The following DNAI4 variants were observed in gnomAD, a reference collection of about 807,000 sequenced individuals.
DNAI4 encodes the protein dynein axonemal intermediate chain 4.
A neutral mutation model predicts 105.8 loss-of-function variants in DNAI4; 85 were observed. The observed-to-expected ratio is 0.80, with a 90% CI of 0.67 to 0.96. The LOEUF is 0.96. Among genes scored for constraint, DNAI4 ranks in the 40% least tolerant of loss-of-function variants. The pLI is 0.00. For missense variants in DNAI4, 1,014 were observed against 1,005.6 expected, an observed-to-expected ratio of 1.01 and a Z score of -0.11; for synonymous variants, 352 against 331.5, an observed-to-expected ratio of 1.06 and a Z score of -0.67.
In DNAI4 at chr1:66,893,323, T is replaced by C; in HGVS notation, c.436A>G (p.Thr146Ala). Residue 146 changes from threonine (T) to alanine (A), a missense_variant, in exon 3 of 17, where the codon ACA (threonine) becomes GCA (alanine). Coordinates refer to ENST00000371026, the MANE Select transcript of DNAI4 (RefSeq NM_024763.5). ...TGTAKPSKLL[T>A]SQEGSLGSEF... is the part of the protein sequence containing the mutation. ...GATCCAAGTGATCCTTCTTGTGATG[T>C]CAAGAGTTTACTTGGTTTTGCTGTA... 6.2e-7 allele frequency: 1 copy of C among 1,610,694 alleles called. No individual in the cohort carries two copies. Among genetic ancestry groups the C allele is most frequent in the Non-Finnish European group, 8.5e-7 (1 of 1,178,124 alleles).
chr1:66,854,503 A>G (rs1019681211), intron 7 of DNAI4, among the ~76,000 whole-genome samples: 2 of 152,332 alleles, frequency 1.3e-5, no homozygotes, highest in East Asian at 3.9e-4. Flanking sequence ...GCTGATTTTA[A>G]AAGGTTGAAG....
At chr1:66,828,555 TTGGCCACTTGTG>T (rs779880812) in intron 13 of DNAI4, 1 of 152,204 alleles carries the variant, frequency 6.6e-6, no homozygotes, top group Non-Finnish European at 1.5e-5. Context: ...TTTACGTTCC[TTGGCCACTTGTG>T]TTTCCTCTTA....
Position 66,817,584 on chromosome 1 carries a change from GA to G in DNAI4, c.2497-3405del, listed in dbSNP as rs397817167. Among the ~76,000 whole-genome samples, 579 of 138,970 alleles carry G rather than the reference GA, an allele frequency of 4.2e-3. 4 individuals carry two copies. Among genetic ancestry groups the G allele is most frequent in the Middle Eastern group, 0.029 (8 of 278 alleles). The allele number at this position is 138,970 out of a possible 152,430, so 91.2% of individuals were successfully genotyped here. On this transcript the variant is annotated intron_variant, in intron 16 of 16. Transcript: ENST00000371026. ...TGAGACCTTTTCTAAAAGAAAAAAA[GA>G]AAAAAAAAAACGGATAGAATCTCAT...
At chr1:66,910,199 C>T (rs1038736746) in intron 1 of DNAI4, among the ~76,000 whole-genome samples, 8 of 151,626 alleles carry the variant, frequency 5.3e-5, no homozygotes, top group African/African-American at 1.2e-4. Context: ...GGCAACAGAG[C>T]GAGACCCTGT....
intron 13 of DNAI4, chr1:66,828,646 T>G (rs1645804438): frequency 6.6e-6 from 1 of 152,222 alleles, no homozygotes; most frequent in Admixed American, 6.5e-5. Flanking sequence ...TCTTTATATA[T>G]TCTAGAATCT....
At chr1:66,826,734 A>G (rs1225033558) in intron 15 of DNAI4, 86 bp downstream of exon 15, 19 of 1,153,894 alleles carry the variant, frequency 1.6e-5, no homozygotes, top group Non-Finnish European at 2.4e-5. Context: ...TAACTACAAT[A>G]CCCTCTAACT....
intron 7 of DNAI4, among the ~76,000 whole-genome samples, chr1:66,853,433 A>G (rs746105944): frequency 4.6e-5 from 7 of 152,230 alleles, no homozygotes; most frequent in Non-Finnish European, 1.0e-4. Flanking sequence ...AGTGGGCTCT[A>G]TGGCACACAA....
At chr1:66,886,654 T>C (rs1226000927) in intron 4 of DNAI4, among the ~76,000 whole-genome samples, 1 of 152,214 alleles carries the variant, frequency 6.6e-6, no homozygotes, top group Non-Finnish European at 1.5e-5. Context: ...TCACTGGTAG[T>C]AAGTGTGGAG....
chr1:66,893,093 G>GAAAGAAAGAAAGAAAGA (rs1647963865), intron 3 of DNAI4, 136 bp downstream of exon 3: 3 of 422,364 alleles, frequency 7.1e-6, no homozygotes, highest in African/African-American at 6.4e-5. Context: ...AAGAAAGAAA[G>GAAAGAAAGAAAGAAAGA]AAAGAAAGAA....
chr1:66,906,129 G>C (rs1257827887), intron 1 of DNAI4, among the ~76,000 whole-genome samples: 3 of 151,824 alleles, frequency 2.0e-5, no homozygotes, highest in Non-Finnish European at 4.4e-5. Context: ...CACCATGTTG[G>C]CCAGGCTAGT....
At chr1:66,854,619 T>C (rs1050321877) in intron 7 of DNAI4, among the ~76,000 whole-genome samples, 1 of 152,038 alleles carries the variant, frequency 6.6e-6, no homozygotes, top group African/African-American at 2.4e-5. Flanking sequence ...CTGGCCAGCA[T>C]GGTGAAACCC....
intron 4 of DNAI4, among the ~76,000 whole-genome samples, chr1:66,883,180 C>CTTTTTTTTT (rs755412295): frequency 1.3e-4 from 12 of 93,016 alleles, no homozygotes; most frequent in African/African-American, 2.1e-4. Flanking sequence ...GTTTTCTTTT[C>CTTTTTTTTT]TTTTTTTTTT....
chr1:66,893,087 A>AAGAAAG (rs1647954850), intron 3 of DNAI4, 142 bp downstream of exon 3: 3 of 404,350 alleles, frequency 7.4e-6, no homozygotes, highest in Non-Finnish European at 1.3e-5. Flanking sequence ...GAAAGAAAGA[A>AAGAAAG]AGAAAGAAAG....
Position 66,924,725 on chromosome 1 carries a change from G to T in DNAI4, c.107C>A (p.Pro36His). The T allele has an allele frequency of 6.2e-7, 1 of 1,614,222 alleles. No homozygotes were observed. The highest frequency in any genetic ancestry group is 1.1e-5 in the South Asian group (1 of 91,086). ...GGQKKGWCTT[P>H]QLVATMPVSP... ...GACTGGCATGGTGGCGACCAGCTGG[G>T]GAGTGGTGCACCACCCCTTTTTTTG... Residue 36 changes from proline to histidine, a missense_variant, in exon 1 of 17, where the codon CCC (proline) becomes CAC (histidine). Transcript: ENST00000371026.
intron 16 of DNAI4, among the ~76,000 whole-genome samples, chr1:66,818,839 G>T (rs1276416236): frequency 1.3e-5 from 2 of 152,080 alleles, no homozygotes; most frequent in Non-Finnish European, 2.9e-5. Flanking sequence ...CTTGAACCTG[G>T]GAGGCAGAGG....
intron 1 of DNAI4, among the ~76,000 whole-genome samples, chr1:66,909,285 T>TACACACACAC (rs71058481): frequency 0.25 from 34,102 of 134,318 alleles, 5,345 homozygotes; most frequent in East Asian, 0.47. Flanking sequence ...CACCTCTCTC[T>TACACACACAC]ACACACACAC....
intron 16 of DNAI4, among the ~76,000 whole-genome samples, chr1:66,814,569 T>C (rs12744712): frequency 0.28 from 42,244 of 152,062 alleles, 6,258 homozygotes; most frequent in African/African-American, 0.34. Flanking sequence ...ACGGTTTCAC[T>C]GTGTTAGCTA....
intron 2 of DNAI4, among the ~76,000 whole-genome samples, chr1:66,901,104 T>C (rs1287681904): frequency 1.3e-5 from 2 of 152,214 alleles, no homozygotes; most frequent in Admixed American, 6.5e-5. Context: ...TTTTTTAAGA[T>C]GCTTTTCCCT....
intron 4 of DNAI4, among the ~76,000 whole-genome samples, chr1:66,877,005 T>A (rs147739649): frequency 2.3e-4 from 35 of 152,284 alleles, no homozygotes; most frequent in African/African-American, 7.9e-4. Flanking sequence ...GGGACTTTTA[T>A]CCATAATGTG....
Sources: allele counts gnomAD v4.1 joint callset (sites outside exome capture counted in the v4.1 genomes callset), GRCh38; gene constraint gnomAD v4.1.1; transcripts MANE v1.5; gene names NCBI Gene and HGNC (gene_info 2026-07-23, HGNC 2026-07-21).